Variants in TRPM1 observed in about 807,000 individuals in gnomAD.
TRPM1 encodes transient receptor potential cation channel subfamily M member 1.
TRPM1 carries 113 observed loss-of-function variants against 149.4 expected under a neutral mutation model. The observed-to-expected ratio is 0.76, with a 90% confidence interval of 0.65 to 0.88. The LOEUF (loss-of-function observed/expected upper bound fraction) is 0.88, where lower values mean the gene tolerates loss of function less well. Ranked by LOEUF, TRPM1 falls within the 40% of genes least tolerant of loss-of-function variation. The probability of loss-of-function intolerance (pLI) is 0.00; values close to 1 mark genes in which losing one functional copy is unlikely to be tolerated. For missense variants in TRPM1, 1,976 were observed against 2,038.7 expected, an observed-to-expected ratio of 0.97 and a Z score of 0.59; for synonymous variants, 741 against 759.5, an observed-to-expected ratio of 0.98 and a Z score of 0.40.
At chr15:31,101,759 G>A (rs1019950936), upstream of TRPM1, 9 of 980,648 alleles carry the variant, frequency 9.2e-6, no homozygotes, top group Non-Finnish European at 1.1e-5. Flanking sequence ...TTTAAGAGGA[G>A]CAGTCCCCAT....
chr15:31,085,155 T>C lies in TRPM1; in HGVS notation c.-83-3717A>G, dbSNP rs189664323. On this transcript the variant is annotated intron_variant, in intron 1 of 27. Transcript: ENST00000256552. ...TTTCTAAAGACCAACATAGCTTATT[T>C]TAAAAAAGAGAAAAAGGAGAATGTG... Among the ~76,000 whole-genome samples, 957 of 152,222 alleles carry C rather than the reference T, an allele frequency of 6.3e-3. 8 individuals are homozygous for C. The highest frequency in any genetic ancestry group is 0.022 in the African/African-American group (925 of 41,520).
rs1170439441 is a variant in TRPM1 at position 31,001,877 on chromosome 15, G to A, written c.4823C>T (p.Thr1608Ile). 1.2e-6 allele frequency: 2 copies of A among 1,612,082 alleles called. No individual in the cohort carries two copies. The highest frequency in any genetic ancestry group is 1.7e-6 in the Non-Finnish European group (2 of 1,179,414). The change falls in exon 28 of 28, where the codon ACA becomes ATA. Residue 1608 changes from threonine (T) to isoleucine (I), a missense_variant. By Grantham distance (89) the Thr-to-Ile change is moderately conservative. Transcript: ENST00000256552. Reference sequence around the variant, plus strand: ...TTTCTTAACCTTTTTTTCTTCTGCTGTCATTCCAGACACAATTACTAAGCT... The same window carrying A: ...TTTCTTAACCTTTTTTTCTTCTGCTATCATTCCAGACACAATTACTAAGCT... Reference protein sequence around the residue: ...VSSLVIVSGMTAEEKKVKKEK... With the variant: ...VSSLVIVSGMIAEEKKVKKEK...
In TRPM1 at chr15:31,040,330, C is replaced by G; in HGVS notation, c.2104G>C (p.Ala702Pro). The G allele has an allele frequency of 6.2e-7, 1 of 1,614,182 alleles. No homozygotes were observed. Among genetic ancestry groups the G allele is most frequent in the Non-Finnish European group, 8.5e-7 (1 of 1,180,036 alleles). Reference protein sequence around the residue: ...DNNSKDFGQLALELLDQSYKH... With the variant: ...DNNSKDFGQLPLELLDQSYKH... ...TAGGACTGGTCTAATAACTCCAAAG[C>G]AAGCTGGCCGAAGTCTCTGGGGGGA... Residue 702 changes from alanine to proline, a missense_variant, in exon 18 of 28, where the codon GCT becomes CCT. By Grantham distance (27) the Ala-to-Pro change is conservative. Coordinates refer to ENST00000256552, the MANE Select transcript of TRPM1 (RefSeq NM_001252024.2). This position sits in a 1 kb window ranked among gnomAD's most constrained non-coding sequence, Gnocchi z 4.2.
intron 1 of TRPM1, among the ~76,000 whole-genome samples, chr15:31,124,784 G>A (rs2035925476): frequency 6.6e-6 from 1 of 152,124 alleles, no homozygotes; most frequent in African/African-American, 2.4e-5. Context: ...AGACAGGGCG[G>A]GATGAACAGT....
rs775820287 is a variant in TRPM1 at position 31,067,076 on chromosome 15, A to G, written c.605T>C (p.Leu202Pro). 5 of 1,614,080 alleles carry G rather than the reference A, an allele frequency of 3.1e-6. No homozygotes were observed. The Admixed American group carries it at 8.3e-5, about 27-fold the overall frequency. ...GAAAACACTTACATCCTTTCCAACC[A>G]GGTCTTCCTTATTCTCCACGATGCC... ...PWGIVENKED[L>P]VGKDVTRVYQ... The change falls in exon 6 of 28, where the codon CTG becomes CCG. Residue 202 changes from leucine (L) to proline (P), a missense_variant. Physicochemically the swap from Leu to Pro is moderately conservative, Grantham distance 98 (BLOSUM62 -3). This residue lies in a region of TRPM1 where 1,332 missense variants were observed against 1,347.1 expected (regional missense o/e 0.99). Coordinates refer to ENST00000256552, the MANE Select transcript of TRPM1 (RefSeq NM_001252024.2).
intron 7 of TRPM1, chr15:31,065,242 G>A (rs183457358): frequency 2.7e-4 from 117 of 435,312 alleles, no homozygotes; most frequent in African/African-American, 1.8e-3. Flanking sequence ...TCTGATTCTC[G>A]GAAATCTACA....
At position 31,070,375 on chromosome 15, in the gene TRPM1, G is replaced by A. The variant is rs2034506705; in HGVS notation, c.84-149C>T. ...AGCCAGCGTTATTAGGGACAGAAAT[G>A]CCCCATCTGATGGCCTTTTCCAGAT... On this transcript the variant is annotated intron_variant, in intron 3 of 27. Coordinates refer to ENST00000256552, the MANE Select transcript of TRPM1 (RefSeq NM_001252024.2). The A allele has an allele frequency of 7.7e-6, 6 of 776,240 alleles. No homozygotes were observed. In the East Asian group the frequency reaches 1.5e-4, roughly 20 times the overall value. The allele number at this position is 776,240 out of a possible 1,614,324, so 48.1% of individuals were successfully genotyped here. A position where few individuals can be genotyped will look rare whatever the true frequency, so the allele number is the denominator to read the frequency against.
chr15:31,153,850 G>A (rs1169068995), intron 1 of TRPM1, among the ~76,000 whole-genome samples: 2 of 152,218 alleles, frequency 1.3e-5, no homozygotes, highest in African/African-American at 4.8e-5. Flanking sequence ...ACTTGTCTCA[G>A]ATACTTTTTG....
intron 1 of TRPM1, among the ~76,000 whole-genome samples, chr15:31,127,351 G>A (rs896132390): frequency 7.2e-5 from 11 of 152,326 alleles, no homozygotes; most frequent in Admixed American, 2.6e-4. Flanking sequence ...AGGGGCAGGT[G>A]GCCTTTAGTT....
At chr15:31,039,758 ATGG>A (rs1197203661) in intron 18 of TRPM1, among the ~76,000 whole-genome samples, 1 of 152,186 alleles carries the variant, frequency 6.6e-6, no homozygotes, top group Non-Finnish European at 1.5e-5. Flanking sequence ...CCCTCCTTTA[ATGG>A]TGGGTAGACG....
At chr15:31,156,195 C>CAAAA (rs35981768) in intron 1 of TRPM1, among the ~76,000 whole-genome samples, 14 of 36,642 alleles carry the variant, frequency 3.8e-4, no homozygotes, top group East Asian at 8.0e-4. Context: ...AGACCTCTGT[C>CAAAA]AAAAAAAAAA....
In TRPM1 at chr15:31,126,113, C is replaced by A. The variant is rs201215216; in HGVS notation, c.54+34793G>T. Among the ~76,000 whole-genome samples the A allele has an allele frequency of 2.6e-5, 4 of 152,246 alleles. No individual in the cohort carries two copies. The East Asian group carries it at 7.7e-4, about 29-fold the overall frequency. ...CACCGCTGCACTCCAGCCTGGGGGA[C>A]AGAGTGGAACTTCGTCTCAAAAAAC... On this transcript the variant is annotated intron_variant, in intron 1 of 26. Coordinates refer to the TRPM1 transcript ENST00000542188.
intron 1 of TRPM1, among the ~76,000 whole-genome samples, chr15:31,095,770 G>A (rs1020008961): frequency 1.3e-5 from 2 of 148,708 alleles, no homozygotes; most frequent in South Asian, 2.2e-4. Context: ...GGGGCCAGGC[G>A]CAGTGGCTCA....
At chr15:31,057,818 A>T (rs2034123794) in intron 11 of TRPM1, among the ~76,000 whole-genome samples, 1 of 152,196 alleles carries the variant, frequency 6.6e-6, no homozygotes, top group African/African-American at 2.4e-5. Flanking sequence ...TCATGAGGGC[A>T]GTTTCCCCCA....
intron 8 of TRPM1, 143 bp downstream of exon 8, chr15:31,062,975 T>C: frequency 1.7e-6 from 2 of 1,203,952 alleles, no homozygotes; most frequent in Middle Eastern, 1.9e-4. Flanking sequence ...GATGCTGACC[T>C]GAGGAAATGG....
At chr15:31,005,916 G>A (rs1022378949) in intron 27 of TRPM1, among the ~76,000 whole-genome samples, 1 of 152,122 alleles carries the variant, frequency 6.6e-6, no homozygotes, top group African/African-American at 2.4e-5. Context: ...AATTTGACAA[G>A]AGCCCCACAT....
intron 1 of TRPM1, among the ~76,000 whole-genome samples, chr15:31,126,922 G>A (rs560590753): frequency 8.7e-4 from 132 of 152,230 alleles, no homozygotes; most frequent in African/African-American, 3.0e-3. Flanking sequence ...AGCTGAGATC[G>A]TGCCACTGCA....
At chr15:31,153,410 C>G (rs939099732) in intron 1 of TRPM1, among the ~76,000 whole-genome samples, 3 of 152,144 alleles carry the variant, frequency 2.0e-5, no homozygotes, top group Non-Finnish European at 2.9e-5. Context: ...CTGCAACCTC[C>G]GCCTCCCAGG....
intron 2 of TRPM1, among the ~76,000 whole-genome samples, chr15:31,077,460 C>T (rs770143048): frequency 8.5e-5 from 13 of 152,080 alleles, no homozygotes; most frequent in Non-Finnish European, 1.6e-4. Flanking sequence ...TCACCAGGGA[C>T]ATCTCACACA....
Sources: gnomAD v4.1 joint callset for allele counts (sites outside exome capture counted in the v4.1 genomes callset) on GRCh38, gnomAD v4.1.1 for gene constraint, gnomAD v4.1.1 regional missense constraint, Gnocchi (gnomAD v3.1) non-coding constraint, MANE v1.5 for transcripts, NCBI Gene and HGNC (gene_info 2026-07-23, HGNC 2026-07-21) for gene names.